The following SFPQ variants were observed in gnomAD, a reference collection of about 807,000 sequenced individuals.
The protein encoded by SFPQ is splicing factor, proline- and glutamine-rich.
In SFPQ, 11 loss-of-function variants were observed where a neutral mutation model predicts 72.9. That is an observed-to-expected ratio of 0.15 (90% CI 0.09 to 0.25). The LOEUF is 0.25. SFPQ is among the 10% of genes least tolerant of loss of function. The pLI is 1.00. For missense variants in SFPQ, 847 were observed against 993.3 expected (o/e 0.85, Z 1.98); for synonymous variants, 506 against 367.3 (o/e 1.38, Z -4.32).
chr1:35,189,370 G>T lies in SFPQ; in HGVS notation c.1428C>A (p.Thr476=). The change falls in exon 5 of 10, where the codon ACC becomes ACA. Residue 476 remains threonine, a synonymous_variant. Coordinates refer to ENST00000357214, the MANE Select transcript of SFPQ (RefSeq NM_005066.3). ...KNPMYQKERE[T]PPRFAQHGTF... The stretch of plus-strand genomic sequence containing the variant: ...TGCCATGCTGGGCAAAACGAGGAGG[G>T]GTTTCTCTCTCCCTAACAATACACA... 6.2e-7 allele frequency: 1 copy of T among 1,613,538 alleles called. No individual in the cohort carries two copies.
intron 1 of SFPQ, 59 bp downstream of exon 1, chr1:35,192,163 C>A (rs1640042761): frequency 3.1e-6 from 4 of 1,279,208 alleles, no homozygotes; most frequent in East Asian, 6.5e-5. Flanking sequence ...GGGGCGGGGG[C>A]GAGGAGGGGG....
chr1:35,189,676 C>T (rs561042526), intron 4 of SFPQ, among the ~76,000 whole-genome samples: 5 of 152,266 alleles, frequency 3.3e-5, no homozygotes, highest in Non-Finnish European at 5.9e-5. Flanking sequence ...AGGCCACACG[C>T]GGTGGCTCAC....
At chr1:35,188,541 G>A (rs1639840149) in intron 6 of SFPQ, among the ~76,000 whole-genome samples, 1 of 152,314 alleles carries the variant, frequency 6.6e-6, no homozygotes, top group Admixed American at 6.5e-5. Flanking sequence ...AATTAGCTGG[G>A]GGTGGTGGCC....
downstream of SFPQ, chr1:35,180,430 G>A (rs1639419612): frequency 9.5e-7 from 1 of 1,047,638 alleles, no homozygotes. Context: ...CAGAAACGAC[G>A]ATGTCTTATG....
chr1:35,178,079 TAA>T (rs746042980), downstream of SFPQ: 1 of 1,253,112 alleles, frequency 8.0e-7, no homozygotes, highest in South Asian at 1.5e-5. Context: ...GACAAGGGTA[TAA>T]AATAAAGGTT....
chr1:35,179,987 GTCA>G (rs1194165542), downstream of SFPQ: 30 of 1,049,870 alleles, frequency 2.9e-5, no homozygotes, highest in African/African-American at 6.6e-5. Context: ...GGCTAAACTA[GTCA>G]TCATTTGCTC....
At chr1:35,189,795 A>T (rs957633423) in intron 4 of SFPQ, among the ~76,000 whole-genome samples, 1 of 152,062 alleles carries the variant, frequency 6.6e-6, no homozygotes, top group African/African-American at 2.4e-5. Flanking sequence ...CTAAATATAC[A>T]AAAAATTAGC....
intron 7 of SFPQ, 47 bp from the exon 8 acceptor site, chr1:35,187,298 C>T (rs766232394): frequency 6.5e-7 from 1 of 1,550,252 alleles, no homozygotes; most frequent in East Asian, 2.2e-5. Context: ...ATACCCACAG[C>T]AAGCATTCTT....
Position 35,187,205 on chromosome 1 carries a change from C to G in SFPQ, c.1862G>C (p.Gly621Ala), listed in dbSNP as rs779662255. 5 of 1,614,160 alleles carry G rather than the reference C, an allele frequency of 3.1e-6. No individual in the cohort carries two copies. The highest frequency in any genetic ancestry group is 4.2e-6 in the Non-Finnish European group (5 of 1,180,008). ...RMGGGGAMNMGDPYGSGGQKF... is the reference protein window; with the variant it reads ...RMGGGGAMNMADPYGSGGQKF... The stretch of plus-strand genomic sequence containing the variant: ...ATTAATTTAAATTTCACACTTACCT[C>G]CCATGTTCATTGCTCCTCCGCCACC... The change falls in exon 8 of 10, where the codon GGA becomes GCA. Residue 621 changes from glycine (G) to alanine (A), a missense_variant and splice_region_variant. Coordinates refer to ENST00000357214, the MANE Select transcript of SFPQ (RefSeq NM_005066.3).
intron 1 of SFPQ, among the ~76,000 whole-genome samples, chr1:35,191,890 G>C (rs182720436): frequency 3.3e-5 from 5 of 152,214 alleles, no homozygotes; most frequent in Admixed American, 2.0e-4. Flanking sequence ...CGCTTTTATG[G>C]AACTTCCCGG....
Position 35,192,531 on chromosome 1 carries a change from C to G in SFPQ, c.519G>C (p.Gly173=), listed in dbSNP as rs2148628768. 7.5e-7 allele frequency: 1 copy of G among 1,328,420 alleles called. No individual in the cohort carries two copies. Among genetic ancestry groups the G allele is most frequent in the South Asian group, 2.1e-5 (1 of 48,578 alleles). The allele number at this position is 1,328,420 out of a possible 1,614,324, so 82.3% of individuals were successfully genotyped here. A position where few individuals can be genotyped will look rare whatever the true frequency, so the allele number is the denominator to read the frequency against. ...CGGCCTGAGGAGGTGTGGTAGGGAC[C>G]CCGCTGCTTGGCGGGGTGGGTGGCG... The part of the protein sequence containing the change: ...GAPPPTPPSS[G]VPTTPPQAGG... Residue 173 remains glycine, a synonymous_variant, in exon 1 of 10, where the codon GGG becomes GGC. Transcript: ENST00000357214.
downstream of SFPQ, chr1:35,179,198 G>A (rs1570104957): frequency 2.8e-6 from 3 of 1,060,974 alleles, no homozygotes; most frequent in Non-Finnish European, 3.4e-6. Flanking sequence ...GGCAGTAAAT[G>A]CAGGACTGTG....
chr1:35,178,281 ACT>A (rs2148602710), downstream of SFPQ: 2 of 1,096,862 alleles, frequency 1.8e-6, no homozygotes, highest in African/African-American at 1.6e-5. Context: ...TAAAAGCCTG[ACT>A]CTCAGTTTCA....
chr1:35,179,332 T>C, downstream of SFPQ: 1 of 1,058,460 alleles, frequency 9.4e-7, no homozygotes, highest in Non-Finnish European at 1.1e-6. Context: ...TTATGCATTC[T>C]TGGTAGGTTT....
chr1:35,178,355 GACA>G (rs1570102859), downstream of SFPQ: 5 of 1,066,240 alleles, frequency 4.7e-6, no homozygotes, highest in Non-Finnish European at 5.7e-6. Context: ...GAAGGTATGT[GACA>G]ACGTTGACCT....
chr1:35,190,533 A>T lies in SFPQ; in HGVS notation c.1380T>A (p.Pro460=), dbSNP rs766788831. ...TTGGATTCTTCTGGGCAAGTTTTTCAGGAAGACCATCTTCATCATCTAGTT... is the reference window on the plus strand; with the variant it reads ...TTGGATTCTTCTGGGCAAGTTTTTCTGGAAGACCATCTTCATCATCTAGTT... ...LEQLDDEDGL[P]EKLAQKNPMY... The change falls in exon 4 of 10, where the codon CCT becomes CCA. Residue 460 remains proline, a synonymous_variant. Coordinates refer to ENST00000357214, the MANE Select transcript of SFPQ (RefSeq NM_005066.3). 6.2e-7 allele frequency: 1 copy of T among 1,613,800 alleles called. No individual in the cohort carries two copies. The highest frequency in any genetic ancestry group is 1.7e-5 in the Admixed American group (1 of 60,000).
At chr1:35,178,148 G>C (rs1347433500), downstream of SFPQ, 1 of 1,098,488 alleles carries the variant, frequency 9.1e-7, no homozygotes, top group Non-Finnish European at 1.1e-6. Context: ...ATAAAGATTG[G>C]GGGTAAGTTA....
chr1:35,192,142 A>T, intron 1 of SFPQ, 80 bp downstream of exon 1: 1 of 1,159,256 alleles, frequency 8.6e-7, no homozygotes, highest in South Asian at 3.3e-5. Context: ...ACAAAATGGA[A>T]GCCCAGCGCG....
At chr1:35,192,167 G>C (rs961424248) in intron 1 of SFPQ, 55 bp downstream of exon 1, 1 of 1,290,792 alleles carries the variant, frequency 7.7e-7, no homozygotes, top group African/African-American at 1.6e-5. Flanking sequence ...CGGGGGCGAG[G>C]AGGGGGCCGC....
Sources: allele counts gnomAD v4.1 joint callset (sites outside exome capture counted in the v4.1 genomes callset), GRCh38; gene constraint gnomAD v4.1.1; transcripts MANE v1.5; gene names NCBI Gene and HGNC (gene_info 2026-07-23, HGNC 2026-07-21).